Variants in PNPLA3 observed in about 807,000 individuals in gnomAD.
PNPLA3 encodes the protein 1-acylglycerol-3-phosphate O-acyltransferase PNPLA3.
A neutral mutation model predicts 43.1 loss-of-function variants in PNPLA3; 42 were observed. The ratio of observed to expected loss-of-function variants is 0.97; its 90% CI spans 0.76 to 1.26. The LOEUF is 1.26. Among genes scored for constraint, PNPLA3 ranks in the 50% most tolerant of loss-of-function variants. The pLI, the probability that PNPLA3 is intolerant of heterozygous loss-of-function variation, is 0.00. For synonymous variants in PNPLA3, 272 were observed against 253.6 expected (o/e 1.07, Z -0.69); for missense variants, 647 against 621.4 (o/e 1.04, Z -0.44).
chr22:43,927,067 A>G lies in PNPLA3; in HGVS notation c.320A>G (p.His107Arg), dbSNP rs1338633255. Residue 107 changes from histidine (H) to arginine (R), a missense_variant, in exon 2 of 9, where the codon CAC (histidine) becomes CGC (arginine). His to Arg is a conservative substitution (Grantham distance 29). Transcript: ENST00000216180. ...TGCAAATGCCTCCCGGCCAATGTCC[A>G]CCAGCTCATCTCCGGCAAAATAGGC... ...GLCKCLPANVHQLISGKIGIS... is the reference protein window; with the variant it reads ...GLCKCLPANVRQLISGKIGIS... The G allele has an allele frequency of 1.2e-6, 2 of 1,614,264 alleles. No homozygotes were observed. Among genetic ancestry groups the G allele is most frequent in the Admixed American group, 3.3e-5 (2 of 60,026 alleles).
chr22:43,926,647 A>G (rs968241555), intron 1 of PNPLA3, among the ~76,000 whole-genome samples: 2 of 152,260 alleles, frequency 1.3e-5, no homozygotes, highest in African/African-American at 4.8e-5. Flanking sequence ...AATTAATTTC[A>G]TTGAGCCCAA....
At chr22:43,944,868 C>A in intron 8 of PNPLA3, 73 bp downstream of exon 8, 4 of 1,277,096 alleles carry the variant, frequency 3.1e-6, no homozygotes, top group Non-Finnish European at 3.4e-6. Context: ...ACACGACATT[C>A]TAGAAACAGC....
intron 3 of PNPLA3, among the ~76,000 whole-genome samples, chr22:43,929,482 A>G (rs2049947676): frequency 7.3e-6 from 1 of 137,070 alleles, no homozygotes; most frequent in Non-Finnish European, 1.6e-5. Context: ...TCTCAAAAAG[A>G]AAAAAAAAAA....
At chr22:43,935,680 A>G (rs1369886922) in intron 5 of PNPLA3, among the ~76,000 whole-genome samples, 2 of 151,972 alleles carry the variant, frequency 1.3e-5, no homozygotes, top group Admixed American at 1.3e-4. Context: ...GGATGGGGAC[A>G]CTAAGAGATG....
rs1202313518 is a variant in PNPLA3, at chr22:43,944,685, C to T, written c.1113-6C>T. 1 of 1,613,694 alleles carries T rather than the reference C, an allele frequency of 6.2e-7. No individual in the cohort carries two copies. The highest frequency in any genetic ancestry group is 8.5e-7 in the Non-Finnish European group (1 of 1,179,564). On this transcript the variant is annotated splice_region_variant and splice_polypyrimidine_tract_variant and intron_variant, in intron 7 of 8. Transcript: ENST00000216180. The stretch of plus-strand genomic sequence containing the variant: ...TGTGTTTGTGTACTTGGTCTCATCT[C>T]TGCAGACTGGTGACATGGCTTCCAG...
At chr22:43,942,264 A>C (rs962141029) in intron 7 of PNPLA3, among the ~76,000 whole-genome samples, 6 of 152,174 alleles carry the variant, frequency 3.9e-5, no homozygotes, top group African/African-American at 1.4e-4. Flanking sequence ...TGTGCCATGC[A>C]TGGATCTGTA....
chr22:43,944,613 T>G, intron 7 of PNPLA3, 78 bp from the exon 8 acceptor site: 1 of 1,227,230 alleles, frequency 8.1e-7, no homozygotes, highest in Non-Finnish European at 1.2e-6. Context: ...GTTGGCAGCT[T>G]TTGTAAACAA....
rs200581732 is a variant in PNPLA3 at position 43,927,125 on chromosome 22, C to T, written c.378C>T (p.Asn126=). The T allele has an allele frequency of 2.0e-5, 32 of 1,614,090 alleles. 1 individual carries two copies. In the Admixed American group the frequency reaches 2.8e-4, roughly 14 times the overall value. Residue 126 remains asparagine (N), a synonymous_variant, in exon 2 of 9, where the codon AAC becomes AAT. Transcript: ENST00000216180. ...ISLTRVSDGE[N]VLVSDFRSKD... ...TTACCAGAGTGTCTGATGGGGAAAA[C>T]GTTCTGGTGTCTGACTTTCGGTCCA...
At chr22:43,929,005 C>A (rs1442233408) in intron 3 of PNPLA3, 116 bp downstream of exon 3, 3 of 1,048,044 alleles carry the variant, frequency 2.9e-6, no homozygotes, top group African/African-American at 1.6e-5. Flanking sequence ...CATGGTGGAG[C>A]CCCATGCCTC....
intron 1 of PNPLA3, 43 bp from the exon 2 acceptor site, chr22:43,926,892 C>G (rs534679658): frequency 6.4e-7 from 1 of 1,552,504 alleles, no homozygotes; most frequent in East Asian, 2.2e-5. Flanking sequence ...TATTACCATC[C>G]CAGTGTGGTA....
chr22:43,939,755 GC>G (rs1198306588), intron 6 of PNPLA3, among the ~76,000 whole-genome samples: 1 of 151,854 alleles, frequency 6.6e-6, no homozygotes, highest in Non-Finnish European at 1.5e-5. Flanking sequence ...GGCGGAGGTT[GC>G]AGTGAGCCGA....
intron 7 of PNPLA3, among the ~76,000 whole-genome samples, chr22:43,942,104 C>G (rs1380809999): frequency 6.6e-6 from 1 of 152,174 alleles, no homozygotes; most frequent in Non-Finnish European, 1.5e-5. Context: ...CAGCCCATCC[C>G]CAGTTGCTTT....
intron 7 of PNPLA3, 50 bp downstream of exon 7, chr22:43,940,175 A>G: frequency 6.4e-7 from 1 of 1,561,704 alleles, no homozygotes; most frequent in Non-Finnish European, 8.8e-7. Context: ...TGATATGAGG[A>G]TGAAACAAGA....
chr22:43,930,743 C>G (rs929533834), intron 3 of PNPLA3, among the ~76,000 whole-genome samples: 5 of 152,162 alleles, frequency 3.3e-5, no homozygotes. Context: ...GAAGCCGAAG[C>G]AGGAGTGTTT....
At chr22:43,936,954 G>A in intron 5 of PNPLA3, 97 bp from the exon 6 acceptor site, 1 of 966,256 alleles carries the variant, frequency 1.0e-6, no homozygotes, top group African/African-American at 1.6e-5. Flanking sequence ...GCTAATAACA[G>A]GCCAGCTGCC....
At chr22:43,941,126 G>A (rs1027894473) in intron 7 of PNPLA3, among the ~76,000 whole-genome samples, 1 of 122,072 alleles carries the variant, frequency 8.2e-6, no homozygotes, top group African/African-American at 3.2e-5. Flanking sequence ...TCTAGCCTGG[G>A]CTACAGAGCG....
chr22:43,944,925 G>A, intron 8 of PNPLA3, 130 bp downstream of exon 8: 2 of 781,036 alleles, frequency 2.6e-6, no homozygotes, highest in East Asian at 5.2e-5. Context: ...TGGGGACCCT[G>A]TCTCATGGGA....
intron 3 of PNPLA3, among the ~76,000 whole-genome samples, chr22:43,931,121 C>T (rs1212219015): frequency 3.9e-5 from 6 of 151,960 alleles, no homozygotes; most frequent in African/African-American, 7.3e-5. Context: ...AGCGAGACTC[C>T]GTCTCACAAA....
At chr22:43,944,397 G>T (rs1269231142) in intron 7 of PNPLA3, among the ~76,000 whole-genome samples, 1 of 152,188 alleles carries the variant, frequency 6.6e-6, no homozygotes, top group Non-Finnish European at 1.5e-5. Flanking sequence ...CCTTGCAGCA[G>T]CTGCCATGGG....
Sources: allele counts gnomAD v4.1 joint callset (sites outside exome capture counted in the v4.1 genomes callset), GRCh38; gene constraint gnomAD v4.1.1; transcripts MANE v1.5; gene names NCBI Gene and HGNC (gene_info 2026-07-23, HGNC 2026-07-21).